RAB28: variants seen among roughly 807,000 people sequenced by gnomAD.
RAB28 encodes the protein ras-related protein Rab-28.
RAB28 carries 24 observed loss-of-function variants against 31.7 expected under a neutral mutation model. That is an observed-to-expected ratio of 0.76 (90% CI 0.55 to 1.06). The LOEUF (loss-of-function observed/expected upper bound fraction) is 1.06. Among genes scored for constraint, RAB28 ranks in the 50% least tolerant of loss-of-function variants. RAB28 has a pLI of 0.00. For synonymous variants in RAB28, 100 were observed against 90.4 expected (o/e 1.11, Z -0.60); for missense variants, 254 against 258.5 (o/e 0.98, Z 0.12).
intron 4 of RAB28, among the ~76,000 whole-genome samples, chr4:13,450,922 G>A (rs1161778035): frequency 6.6e-6 from 1 of 151,906 alleles, no homozygotes; most frequent in East Asian, 1.9e-4. Flanking sequence ...GAAGCATGTG[G>A]AAGATGAAGT....
chr4:13,446,806 C>T (rs983940530), intron 4 of RAB28, among the ~76,000 whole-genome samples: 2 of 152,098 alleles, frequency 1.3e-5, no homozygotes, highest in African/African-American at 4.8e-5. Flanking sequence ...TCATTTTGGC[C>T]CCTCCCTCTA....
At chr4:13,433,144 A>G (rs1280055234) in intron 4 of RAB28, among the ~76,000 whole-genome samples, 4 of 151,760 alleles carry the variant, frequency 2.6e-5, no homozygotes, top group African/African-American at 7.2e-5. Flanking sequence ...GAAAGAAAAA[A>G]AAAAAAGAAA....
chr4:13,432,566 G>T (rs1713872948), intron 4 of RAB28, among the ~76,000 whole-genome samples: 1 of 152,128 alleles, frequency 6.6e-6, no homozygotes, highest in East Asian at 1.9e-4. Context: ...CATAATAAGG[G>T]AATTCCATCA....
At chr4:13,460,590 T>G (rs1263437828) in intron 4 of RAB28, 109 bp downstream of exon 4, 1 of 1,355,934 alleles carries the variant, frequency 7.4e-7, no homozygotes, top group East Asian at 2.3e-5. Flanking sequence ...ACCATCATTT[T>G]GGGGATTAGG....
intron 4 of RAB28, among the ~76,000 whole-genome samples, chr4:13,452,585 T>C (rs1715029551): frequency 6.6e-6 from 1 of 152,108 alleles, no homozygotes; most frequent in Non-Finnish European, 1.5e-5. Context: ...TGAATGTTCA[T>C]CTACTGTTGG....
chr4:13,395,606 C>T (rs751489401), intron 4 of RAB28, among the ~76,000 whole-genome samples: 2 of 151,866 alleles, frequency 1.3e-5, no homozygotes, highest in Non-Finnish European at 1.5e-5. Flanking sequence ...CCACTGCATC[C>T]ACCTATATGA....
At chr4:13,443,595 TATG>T (rs1184782834) in intron 4 of RAB28, among the ~76,000 whole-genome samples, 2 of 152,208 alleles carry the variant, frequency 1.3e-5, no homozygotes, top group Non-Finnish European at 1.5e-5. Flanking sequence ...CCTTGGACAA[TATG>T]ATGTTTGGCA....
At chr4:13,429,671 C>T (rs1006007579) in intron 4 of RAB28, among the ~76,000 whole-genome samples, 7 of 152,064 alleles carry the variant, frequency 4.6e-5, no homozygotes, top group Non-Finnish European at 1.0e-4. Flanking sequence ...GTTAATAGAT[C>T]GGAAGAAAAT....
chr4:13,431,057 G>A (rs1440718679), intron 4 of RAB28, among the ~76,000 whole-genome samples: 1 of 152,142 alleles, frequency 6.6e-6, no homozygotes, highest in African/African-American at 2.4e-5. Flanking sequence ...TGCTTTTCAT[G>A]GTAGCTCCAC....
At chr4:13,469,432 C>T (rs895902610) in intron 3 of RAB28, among the ~76,000 whole-genome samples, 1 of 151,980 alleles carries the variant, frequency 6.6e-6, no homozygotes, top group Non-Finnish European at 1.5e-5. Flanking sequence ...TTTTACATGA[C>T]CTTTGGAAAT....
At chr4:13,467,448 A>G (rs1715915049) in intron 3 of RAB28, among the ~76,000 whole-genome samples, 1 of 151,942 alleles carries the variant, frequency 6.6e-6, no homozygotes, top group Non-Finnish European at 1.5e-5. Context: ...CAACTGTTTA[A>G]AGTAATAATA....
intron 2 of RAB28, 55 bp downstream of exon 2, chr4:13,479,375 C>T (rs1436611243): frequency 7.5e-7 from 1 of 1,328,072 alleles, no homozygotes; most frequent in Middle Eastern, 1.9e-4. Context: ...TCTTATGCCA[C>T]TTATTGTTAA....
intron 4 of RAB28, among the ~76,000 whole-genome samples, chr4:13,419,390 C>G (rs1712984495): frequency 6.6e-6 from 1 of 152,134 alleles, no homozygotes; most frequent in Non-Finnish European, 1.5e-5. Context: ...CAGCTCTGCA[C>G]CAGGCAGACC....
At chr4:13,418,201 G>GA in intron 4 of RAB28, among the ~76,000 whole-genome samples, 1 of 152,172 alleles carries the variant, frequency 6.6e-6, no homozygotes, top group East Asian at 1.9e-4. Flanking sequence ...GAAATTAAGA[G>GA]AAAAAAGAGT....
chr4:13,398,187 T>A (rs1294327799), intron 4 of RAB28, among the ~76,000 whole-genome samples: 3 of 152,204 alleles, frequency 2.0e-5, no homozygotes, highest in Non-Finnish European at 1.5e-5. Flanking sequence ...CTACAACTTT[T>A]GTTGCTTGTA....
chr4:13,413,189 G>C (rs1427874195), intron 4 of RAB28, among the ~76,000 whole-genome samples: 1 of 152,068 alleles, frequency 6.6e-6, no homozygotes, highest in Non-Finnish European at 1.5e-5. Flanking sequence ...CCAATAAACA[G>C]ATACAGAATA....
chr4:13,460,616 T>C (rs1715543713), intron 4 of RAB28, 83 bp downstream of exon 4: 6 of 1,536,198 alleles, frequency 3.9e-6, no homozygotes, highest in South Asian at 2.3e-5. Context: ...GACATATAAA[T>C]TGGGGGTGGT....
At chr4:13,388,083 T>C (rs768952081) in intron 4 of RAB28, among the ~76,000 whole-genome samples, 3 of 152,022 alleles carry the variant, frequency 2.0e-5, no homozygotes, top group Non-Finnish European at 2.9e-5. Context: ...TATTCTAACA[T>C]CTCTGCTTTC....
intron 2 of RAB28, 131 bp downstream of exon 2, chr4:13,479,299 T>A: frequency 1.6e-6 from 1 of 637,612 alleles, no homozygotes; most frequent in Non-Finnish European, 2.7e-6. Flanking sequence ...TTAACATCCC[T>A]AAGATAAATT....
Sources: allele counts gnomAD v4.1 joint callset (sites outside exome capture counted in the v4.1 genomes callset), GRCh38; gene constraint gnomAD v4.1.1; transcripts MANE v1.5; gene names NCBI Gene and HGNC (gene_info 2026-07-23, HGNC 2026-07-21).